The following CTNND2 variants were observed in gnomAD, a reference collection of about 807,000 sequenced individuals.
CTNND2 encodes catenin delta 2.
A neutral mutation model predicts 144.4 loss-of-function variants in CTNND2; 22 were observed. That is an observed-to-expected ratio of 0.15 (90% CI 0.11 to 0.22). The LOEUF (loss-of-function observed/expected upper bound fraction) is 0.22. Among genes scored for constraint, CTNND2 ranks in the 10% least tolerant of loss-of-function variants. CTNND2 has a pLI of 1.00. For synonymous variants in CTNND2, 751 were observed against 695.6 expected (o/e 1.08, Z -1.25); for missense variants, 1,353 against 1,618.8 (o/e 0.84, Z 2.82).
At chr5:11,506,088 T>G (rs1214225806) in intron 3 of CTNND2, among the ~76,000 whole-genome samples, 1 of 152,178 alleles carries the variant, frequency 6.6e-6, no homozygotes, top group African/African-American at 2.4e-5. Flanking sequence ...ACTTGGCCAC[T>G]GACGGAGGCT....
intron 15 of CTNND2, among the ~76,000 whole-genome samples, chr5:11,085,167 G>C (rs1236306030): frequency 2.6e-5 from 4 of 152,200 alleles, no homozygotes; most frequent in Admixed American, 6.5e-5. Context: ...GAATTGATTT[G>C]AGAGCAACAA....
intron 3 of CTNND2, among the ~76,000 whole-genome samples, chr5:11,504,867 C>T (rs1190643425): frequency 6.6e-6 from 1 of 152,148 alleles, no homozygotes; most frequent in African/African-American, 2.4e-5. Flanking sequence ...GCCTTCCTTG[C>T]TGAAGATTCC....
At chr5:11,829,444 T>C (rs1346382708) in intron 1 of CTNND2, among the ~76,000 whole-genome samples, 1 of 152,130 alleles carries the variant, frequency 6.6e-6, no homozygotes, top group African/African-American at 2.4e-5. Flanking sequence ...AGGGACTTGG[T>C]GCCCTGCATC....
At chr5:11,234,180 GACAC>G (rs1191290835) in intron 10 of CTNND2, among the ~76,000 whole-genome samples, 2 of 151,924 alleles carry the variant, frequency 1.3e-5, no homozygotes, top group Non-Finnish European at 2.9e-5. Flanking sequence ...CGCAGAGACA[GACAC>G]ACACACATAT....
At chr5:11,764,105 G>A (rs570687256) in intron 1 of CTNND2, among the ~76,000 whole-genome samples, 8 of 152,260 alleles carry the variant, frequency 5.3e-5, no homozygotes, top group Admixed American at 1.3e-4. Context: ...AGGGAGGCAG[G>A]AAAGTCAGAG....
intron 1 of CTNND2, among the ~76,000 whole-genome samples, chr5:11,860,400 A>G (rs889966565): frequency 6.6e-5 from 10 of 152,216 alleles, no homozygotes; most frequent in African/African-American, 2.4e-4. Context: ...CATAATCCCT[A>G]ATGTTTAACA....
At chr5:11,752,002 A>G (rs1034222107) in intron 1 of CTNND2, among the ~76,000 whole-genome samples, 3 of 151,782 alleles carry the variant, frequency 2.0e-5, no homozygotes, top group African/African-American at 7.3e-5. Flanking sequence ...TTGGCTGTGC[A>G]CAGTCTTCTT....
chr5:11,277,257 AG>A (rs1369927131), intron 9 of CTNND2, among the ~76,000 whole-genome samples: 25 of 152,256 alleles, frequency 1.6e-4, no homozygotes, highest in Admixed American at 7.8e-4. Context: ...AGAAAATGTA[AG>A]CTTTTGAAAC....
At chr5:11,500,759 T>C (rs904738403) in intron 3 of CTNND2, among the ~76,000 whole-genome samples, 1 of 152,234 alleles carries the variant, frequency 6.6e-6, no homozygotes, top group Non-Finnish European at 1.5e-5. Context: ...CACCACGCTG[T>C]GAAGTATGCA....
intron 10 of CTNND2, among the ~76,000 whole-genome samples, chr5:11,229,392 C>T (rs1025556203): frequency 2.6e-5 from 4 of 152,022 alleles, no homozygotes; most frequent in African/African-American, 7.3e-5. Context: ...CATGGTGGTG[C>T]ACACCTATAA....
intron 19 of CTNND2, among the ~76,000 whole-genome samples, chr5:10,990,395 C>T (rs1738535582): frequency 6.6e-6 from 1 of 152,226 alleles, no homozygotes; most frequent in Admixed American, 6.5e-5. Flanking sequence ...CTCAACTGGG[C>T]TCTGCATCCA....
intron 9 of CTNND2, among the ~76,000 whole-genome samples, chr5:11,274,357 C>T (rs1045461376): frequency 1.3e-5 from 2 of 152,126 alleles, no homozygotes; most frequent in African/African-American, 4.8e-5. Context: ...GGCCATATGC[C>T]TATTTCAGCA....
chr5:10,977,124 G>A (rs1736593911), intron 21 of CTNND2, among the ~76,000 whole-genome samples: 1 of 152,186 alleles, frequency 6.6e-6, no homozygotes, highest in African/African-American at 2.4e-5. Flanking sequence ...GAAGACAGAA[G>A]AACCAAGATG....
chr5:11,149,858 C>T (rs1329770225), intron 12 of CTNND2, among the ~76,000 whole-genome samples: 8 of 152,174 alleles, frequency 5.3e-5, no homozygotes, highest in Non-Finnish European at 1.0e-4. Flanking sequence ...AGCATGAAAC[C>T]TGGACAGGGC....
chr5:11,345,604 T>C (rs1754692795), intron 9 of CTNND2, among the ~76,000 whole-genome samples: 1 of 152,110 alleles, frequency 6.6e-6, no homozygotes, highest in Non-Finnish European at 1.5e-5. Context: ...TAAAGAAATA[T>C]CAGCAATCTG....
intron 11 of CTNND2, among the ~76,000 whole-genome samples, chr5:11,176,057 C>T (rs1283447271): frequency 2.0e-5 from 3 of 152,134 alleles, no homozygotes; most frequent in Non-Finnish European, 4.4e-5. Flanking sequence ...TTGGGTCATG[C>T]ATGGGAATGA....
intron 15 of CTNND2, among the ~76,000 whole-genome samples, chr5:11,095,364 A>G (rs1751230002): frequency 6.6e-6 from 1 of 152,246 alleles, no homozygotes; most frequent in Non-Finnish European, 1.5e-5. Context: ...CATTGTATTG[A>G]CAGTATATTG....
chr5:11,550,070 A>G (rs573412692), intron 3 of CTNND2, among the ~76,000 whole-genome samples: 17 of 152,214 alleles, frequency 1.1e-4, no homozygotes, highest in African/African-American at 3.9e-4. Context: ...CATGTATGGA[A>G]TACTTTCTCA....
Position 11,168,013 on chromosome 5 carries a change from A to G in CTNND2, c.1976-8254T>C, listed in dbSNP as rs61751834. Among the ~76,000 whole-genome samples, 86 of 152,078 alleles carry G rather than the reference A, an allele frequency of 5.7e-4. 1 individual carries two copies. Among genetic ancestry groups the G allele is most frequent in the African/African-American group, 2.0e-3 (84 of 41,506 alleles). ...GAGCCACTATGCCTGACCCTCACCT[A>G]AATTTTTGATTAGTTTAAAAAATAA... On this transcript the variant is annotated intron_variant, in intron 11 of 21. Coordinates refer to ENST00000304623, the MANE Select transcript of CTNND2 (RefSeq NM_001332.4).
Sources: gnomAD v4.1 joint callset for allele counts (sites outside exome capture counted in the v4.1 genomes callset) on GRCh38, gnomAD v4.1.1 for gene constraint, MANE v1.5 for transcripts, NCBI Gene and HGNC (gene_info 2026-07-23, HGNC 2026-07-21) for gene names.